Variants in YWHAZ observed in about 807,000 individuals in gnomAD.
YWHAZ encodes 14-3-3 protein zeta/delta.
For synonymous variants in YWHAZ, 87 were observed against 103.6 expected, an observed-to-expected ratio of 0.84 and a Z score of 0.97; for missense variants, 79 against 284.8, an observed-to-expected ratio of 0.28 and a Z score of 5.20.
chr8:100,918,408 T>TATATA lies in YWHAZ; in HGVS notation c.*2284_*2285insTATAT, dbSNP rs1554611374. ...AGTCTAGCTATAAAATATAATTACT[T>TATATA]TATATATATATATATATATATATAT... On this transcript the variant is annotated 3_prime_UTR_variant, in exon 6 of 6. Transcript: ENST00000395958. 4.8e-5 allele frequency: 2 copies of TATATA among 41,888 alleles called. No individual in the cohort carries two copies. The highest frequency in any genetic ancestry group is 1.3e-3 in the South Asian group (1 of 796). The allele number at this position is 41,888 out of a possible 1,614,324, so 2.6% of individuals were successfully genotyped here.
chr8:100,920,794 ATG>A (rs1563665859), intron 5 of YWHAZ, 42 bp from the exon 6 acceptor site: 11 of 49,056 alleles, frequency 2.2e-4, no homozygotes, highest in South Asian at 5.4e-4. Context: ...TTTCAGTGGG[ATG>A]GGGGGGGGGG....
In YWHAZ at chr8:100,946,464, T is replaced by C. The variant is rs185628414; in HGVS notation, c.294+2132A>G. On this transcript the variant is annotated intron_variant, in intron 2 of 5. Coordinates refer to ENST00000395958, the MANE Select transcript of YWHAZ (RefSeq NM_145690.3). ...TACTCGGGAGGTCAAGGCAGAAGAA[T>C]TGCTTGAACACGGGAGGCGGAAGTT... is the stretch of plus-strand genomic sequence containing the variant. 3.5e-3 allele frequency among the ~76,000 whole-genome samples: 535 copies of C among 152,230 alleles called. 6 individuals carry two copies. Among genetic ancestry groups the C allele is most frequent in the African/African-American group, 0.012 (512 of 41,524 alleles).
At chr8:100,949,807 C>A (rs1244474652) in intron 1 of YWHAZ, among the ~76,000 whole-genome samples, 1 of 152,222 alleles carries the variant, frequency 6.6e-6, no homozygotes, top group Non-Finnish European at 1.5e-5. Context: ...ATCTAATTCT[C>A]TTTCCCTCGC....
intron 2 of YWHAZ, chr8:100,947,978 C>A: frequency 3.7e-6 from 3 of 808,530 alleles, no homozygotes; most frequent in Admixed American, 3.1e-5. Flanking sequence ...TGCTTCAACA[C>A]AGTAAGTACT....
In YWHAZ at chr8:100,922,100, C is replaced by T. The variant is rs561900807; in HGVS notation, c.679-1348G>A. Among the ~76,000 whole-genome samples, 3 of 152,246 alleles carry T rather than the reference C, an allele frequency of 2.0e-5. No homozygotes were observed. The highest frequency in any genetic ancestry group is 4.8e-5 in the African/African-American group (2 of 41,546). On this transcript the variant is annotated intron_variant, in intron 5 of 5. Transcript: ENST00000395958. The surrounding 1 kb of genome is among the most constrained non-coding windows in gnomAD (Gnocchi z 4.1). ...TGTCAAACAAGGGGTTTTGTAATTG[C>T]AAGATGAAATTGTTTCTAATGTCTC...
chr8:100,940,105 G>C (rs1162287809), intron 2 of YWHAZ, among the ~76,000 whole-genome samples: 1 of 139,548 alleles, frequency 7.2e-6, no homozygotes, highest in African/African-American at 2.8e-5. Context: ...GTATCAAAAA[G>C]AACTTATATC....
At chr8:100,946,131 A>C (rs558885689) in intron 2 of YWHAZ, among the ~76,000 whole-genome samples, 2 of 152,328 alleles carry the variant, frequency 1.3e-5, no homozygotes, top group Admixed American at 1.3e-4. Context: ...TTCCTTAATA[A>C]TCATAACAAG....
chr8:100,938,403 A>G (rs1015666670), intron 2 of YWHAZ, among the ~76,000 whole-genome samples: 2 of 152,188 alleles, frequency 1.3e-5, no homozygotes, highest in Non-Finnish European at 2.9e-5. Flanking sequence ...CTAAAATTCA[A>G]TGACTCAATG....
chr8:100,936,453 G>C (rs3134354), intron 2 of YWHAZ, among the ~76,000 whole-genome samples: 141,365 of 152,236 alleles, frequency 0.93, 65,804 homozygotes, highest in African/African-American at 0.99. Flanking sequence ...ATATAATGCA[G>C]TGAGGAGGAC....
At chr8:100,953,128 G>A, upstream of YWHAZ, 2 of 986,720 alleles carry the variant, frequency 2.0e-6, no homozygotes, top group Non-Finnish European at 2.4e-6. Flanking sequence ...TCGGGCGGAG[G>A]GCTGGAGCTG....
intron 1 of YWHAZ, chr8:100,951,135 C>T (rs1403195422): frequency 5.1e-6 from 5 of 983,458 alleles, no homozygotes; most frequent in Non-Finnish European, 6.0e-6. Context: ...CACCGCGGAG[C>T]CCAGGAAATT....
At chr8:100,921,095 G>C (rs149499125) in intron 5 of YWHAZ, among the ~76,000 whole-genome samples, 4,255 of 152,158 alleles carry the variant, frequency 0.028, 82 homozygotes, top group Non-Finnish European at 0.043. Flanking sequence ...GTGCAGTGGC[G>C]TGATCTTGGC....
chr8:100,918,445 A>ATATATATATATATATATATATATAT lies in YWHAZ; in HGVS notation c.*2247_*2248insATATATATATATATATATATATATA, dbSNP rs1554611445. ...ATATATATATATATATATATATATA[A>ATATATATATATATATATATATATAT]TTATTTTACCTCCTTGGCTTGGGGG... On this transcript the variant is annotated 3_prime_UTR_variant, in exon 6 of 6. Coordinates refer to ENST00000395958, the MANE Select transcript of YWHAZ (RefSeq NM_145690.3). 2 of 30,252 alleles carry ATATATATATATATATATATATATAT rather than the reference A, an allele frequency of 6.6e-5. No individual in the cohort carries two copies. Among genetic ancestry groups the ATATATATATATATATATATATATAT allele is most frequent in the Non-Finnish European group, 1.6e-4 (2 of 12,568 alleles). 1.9% of individuals were successfully genotyped at this position (30,252 alleles called of 1,614,324 possible).
rs1219116765 is a variant in YWHAZ at position 100,922,384 on chromosome 8, C to A, written c.678+1571G>T. On this transcript the variant is annotated intron_variant, in intron 5 of 5. Coordinates refer to ENST00000395958, the MANE Select transcript of YWHAZ (RefSeq NM_145690.3). This position sits in a 1 kb window ranked among gnomAD's most constrained non-coding sequence, Gnocchi z 4.1. ...ATTAGAATCAAAACCCTGGTTTTTT[C>A]TTTTCTTTTTTTTTTTTTTTGAGAC... 1 of 87,872 alleles carries A rather than the reference C, an allele frequency of 1.1e-5. No homozygotes were observed. Among genetic ancestry groups the A allele is most frequent in the African/African-American group, 4.8e-5 (1 of 20,964 alleles). 5.4% of individuals were successfully genotyped at this position (87,872 alleles called of 1,614,324 possible).
chr8:100,942,458 AAGAG>A (rs745610591), intron 2 of YWHAZ, among the ~76,000 whole-genome samples: 1 of 152,322 alleles, frequency 6.6e-6, no homozygotes, highest in Non-Finnish European at 1.5e-5. Flanking sequence ...CATAATAAAA[AAGAG>A]AGAACTGCTG....
chr8:100,951,211 G>A, intron 1 of YWHAZ: 7 of 984,638 alleles, frequency 7.1e-6, no homozygotes, highest in Non-Finnish European at 8.4e-6. Flanking sequence ...CCTCCCGCCG[G>A]CGCGCAGCCT....
At position 100,922,226 on chromosome 8, in the gene YWHAZ, G is replaced by A. The variant is rs551553981; in HGVS notation, c.679-1474C>T. On this transcript the variant is annotated intron_variant, in intron 5 of 5. Coordinates refer to ENST00000395958, the MANE Select transcript of YWHAZ (RefSeq NM_145690.3). This position sits in a 1 kb window ranked among gnomAD's most constrained non-coding sequence, Gnocchi z 4.1. Reference sequence around the variant, plus strand: ...CTAGAGTAATGTGTTGACAGTCTTGGTCAACCAAATTCAGAATGAAATATT... The same window carrying A: ...CTAGAGTAATGTGTTGACAGTCTTGATCAACCAAATTCAGAATGAAATATT... 1.3e-5 allele frequency among the ~76,000 whole-genome samples: 2 copies of A among 152,212 alleles called. No homozygotes were observed. Among genetic ancestry groups the A allele is most frequent in the South Asian group, 4.1e-4 (2 of 4,832 alleles).
upstream of YWHAZ, chr8:100,952,575 C>T (rs1264834314): frequency 5.7e-6 from 1 of 175,844 alleles, no homozygotes; most frequent in Non-Finnish European, 1.1e-5. Context: ...CCACCCCTCC[C>T]CGAGGCCCGG....
chr8:100,944,546 G>A (rs1810123563), intron 2 of YWHAZ, among the ~76,000 whole-genome samples: 1 of 152,170 alleles, frequency 6.6e-6, no homozygotes, highest in African/African-American at 2.4e-5. Context: ...TCTGCCTACA[G>A]CAGTGGATTT....
Sources: gnomAD v4.1 joint callset for allele counts (sites outside exome capture counted in the v4.1 genomes callset) on GRCh38, gnomAD v4.1.1 for gene constraint, Gnocchi (gnomAD v3.1) non-coding constraint, MANE v1.5 for transcripts, NCBI Gene and HGNC (gene_info 2026-07-23, HGNC 2026-07-21) for gene names.